Variants in TRIM7 observed in about 807,000 individuals in gnomAD.
TRIM7 encodes tripartite motif containing 7.
A neutral mutation model predicts 37.9 loss-of-function variants in TRIM7; 32 were observed. The observed-to-expected ratio is 0.84, with a 90% CI of 0.64 to 1.13. The LOEUF (loss-of-function observed/expected upper bound fraction) is 1.13. Among genes scored for constraint, TRIM7 ranks in the 50% most tolerant of loss-of-function variants. TRIM7 has a pLI of 0.00. For missense variants in TRIM7, 732 were observed against 714.0 expected (o/e 1.03, Z -0.29); for synonymous variants, 351 against 321.3 (o/e 1.09, Z -0.99).
Position 181,205,178 on chromosome 5 carries a change from T to C in TRIM7, c.-68A>G. ...CACTGGACCTCACAGGACGCGGAGC[T>C]GGGCGCCGAGGGCCCACTGGGAGAG... On this transcript the variant is annotated 5_prime_UTR_variant, in exon 1 of 7. Coordinates refer to ENST00000274773, the MANE Select transcript of TRIM7 (RefSeq NM_203293.3). The C allele has an allele frequency of 7.9e-7, 1 of 1,264,910 alleles. No homozygotes were observed. The highest frequency in any genetic ancestry group is 1.0e-6 in the Non-Finnish European group (1 of 1,003,564). The allele number at this position is 1,264,910 out of a possible 1,614,324, so 78.4% of individuals were successfully genotyped here.
At chr5:181,200,473 C>CATTT (rs1757414926) in intron 2 of TRIM7, 1 of 1,140,640 alleles carries the variant, frequency 8.8e-7, no homozygotes, top group Non-Finnish European at 1.1e-6. Context: ...TCCTCAAGCA[C>CATTT]ATTTATTTCA....
rs780565575 is a variant in TRIM7, at chr5:181,203,525, C to T, written c.618+20G>A. 1 of 1,613,768 alleles carries T rather than the reference C, an allele frequency of 6.2e-7. No homozygotes were observed. The highest frequency in any genetic ancestry group is 8.5e-7 in the Non-Finnish European group (1 of 1,179,796). On this transcript the variant is annotated intron_variant, in intron 2 of 6. Coordinates refer to ENST00000274773, the MANE Select transcript of TRIM7 (RefSeq NM_203293.3). ...GGCCTCTGTAATGTCCCACGGGGGGCCTGCGGGTGCCTGGCTCACCAGCAG... is the reference window on the plus strand; with the variant it reads ...GGCCTCTGTAATGTCCCACGGGGGGTCTGCGGGTGCCTGGCTCACCAGCAG...
intron 5 of TRIM7, 42 bp from the exon 6 acceptor site, chr5:181,198,260 G>A: frequency 6.2e-7 from 1 of 1,607,882 alleles, no homozygotes; most frequent in East Asian, 2.2e-5. Context: ...GAGCGACACG[G>A]GAGATTATAT....
intron 1 of TRIM7, 111 bp downstream of exon 1, chr5:181,204,478 C>T (rs1001123089): frequency 2.5e-6 from 3 of 1,204,124 alleles, no homozygotes; most frequent in Non-Finnish European, 3.2e-6. Context: ...AAGGGAGGGG[C>T]TCACCCGGGC....
intron 2 of TRIM7, 87 bp downstream of exon 2, chr5:181,203,458 A>G: frequency 6.4e-7 from 1 of 1,571,990 alleles, no homozygotes; most frequent in African/African-American, 1.4e-5. Context: ...CATAGCACAC[A>G]CTCCAACACC....
chr5:181,198,776 G>A lies in TRIM7; in HGVS notation c.902C>T (p.Thr301Ile), dbSNP rs1240009075. The change falls in exon 5 of 7, where the codon ACC becomes ATC. Residue 301 changes from threonine to isoleucine, a missense_variant. Transcript: ENST00000274773. ...ATTCTTCATCTCAGAAGAGACTGTG[G>A]TTGGCTTGGGGCCAGGCACATTGCT... Reference protein sequence around the residue: ...RCSNVPGPKPTTVSSEMKNKV... With the variant: ...RCSNVPGPKPITVSSEMKNKV... 15 of 1,613,946 alleles carry A rather than the reference G, an allele frequency of 9.3e-6. No homozygotes were observed. The African/African-American group carries it at 1.7e-4, about 19-fold the overall frequency.
intron 1 of TRIM7, chr5:181,204,006 T>G: frequency 4.1e-5 from 33 of 803,772 alleles, no homozygotes; most frequent in South Asian, 8.4e-5. Flanking sequence ...CGCCCCGCCC[T>G]CACCCCTGCA....
rs768191915 is a variant in TRIM7 at position 181,195,596 on chromosome 5, C to A, written c.1106G>T (p.Arg369Leu). The A allele has an allele frequency of 1.1e-5, 18 of 1,592,332 alleles. No individual in the cohort carries two copies. The highest frequency in any genetic ancestry group is 1.5e-5 in the Non-Finnish European group (17 of 1,166,608). Residue 369 changes from arginine (R) to leucine (L), a missense_variant, in exon 7 of 7, where the codon CGG (arginine) becomes CTG (leucine). Physicochemically the swap from Arg to Leu is moderately radical, Grantham distance 102. Transcript: ENST00000274773. ...GGGGTGGTTGGGCAGGTCCTGGGCC[C>A]GCTCGCCGAGGCGCACGCCCTTAAG... ...LDLKGVRLGERAQDLPNHPCR... is the reference protein window; with the variant it reads ...LDLKGVRLGELAQDLPNHPCR...
chr5:181,203,480 G>A, intron 2 of TRIM7, 65 bp downstream of exon 2: 4 of 1,604,474 alleles, frequency 2.5e-6, no homozygotes, highest in Non-Finnish European at 3.4e-6. Flanking sequence ...CACACACCGA[G>A]CCCTGGTGCT....
chr5:181,201,012 T>TA (rs1757452783), intron 2 of TRIM7: 2 of 717,504 alleles, frequency 2.8e-6, no homozygotes, highest in Admixed American at 1.3e-4. Context: ...CTTCAAGTCT[T>TA]ACAGGTGAGG....
At chr5:181,204,555 G>A (rs1274623706) in intron 1 of TRIM7, 34 bp downstream of exon 1, 2 of 1,340,998 alleles carry the variant, frequency 1.5e-6, no homozygotes, top group African/African-American at 1.5e-5. Flanking sequence ...AGGGGGTCCC[G>A]GGGACCCACG....
rs1202583622 is a variant in TRIM7, at chr5:181,204,589, C to G, written c.522G>C (p.Lys174Asn). The G allele has an allele frequency of 7.1e-7, 1 of 1,414,442 alleles. No individual in the cohort carries two copies. The highest frequency in any genetic ancestry group is 2.9e-5 in the East Asian group (1 of 34,716). The allele number at this position is 1,414,442 out of a possible 1,614,324, so 87.6% of individuals were successfully genotyped here. The part of the protein sequence containing the change: ...LPLDEAVQEA[K>N]ELLESRLRVL... ...CGGGGTGGGTGGGGGCTGCGCTCACCTTGGCCTCCTGCACCGCCTCGTCCA... is the reference window on the plus strand; with the variant it reads ...CGGGGTGGGTGGGGGCTGCGCTCACGTTGGCCTCCTGCACCGCCTCGTCCA... Residue 174 changes from lysine to asparagine, a missense_variant and splice_region_variant, in exon 1 of 7, where the codon AAG becomes AAC. Transcript: ENST00000274773.
At chr5:181,196,968 G>A (rs1757162298) in intron 6 of TRIM7, 1 of 152,130 alleles carries the variant, frequency 6.6e-6, no homozygotes, top group Non-Finnish European at 1.5e-5. Context: ...AGACCAGCCT[G>A]GGCAATATAG....
chr5:181,204,725 C>A lies in TRIM7; in HGVS notation c.386G>T (p.Arg129Leu), dbSNP rs1201371353. The change falls in exon 1 of 7, where the codon CGC (arginine) becomes CTC (leucine). Residue 129 changes from arginine (R) to leucine (L), a missense_variant. Arg to Leu is a moderately radical substitution (Grantham distance 102). Coordinates refer to ENST00000274773, the MANE Select transcript of TRIM7 (RefSeq NM_203293.3). ...GAAGGGTTCGCCATGCTGCCCGCAG[C>A]GGGCAGCCGCTGCCCGGGCCGCGGC... ...QAAAARAAAA[R>L]CGQHGEPFKL... The A allele has an allele frequency of 1.9e-5, 28 of 1,474,374 alleles. No individual in the cohort carries two copies. Among genetic ancestry groups the A allele is most frequent in the Non-Finnish European group, 2.4e-5 (27 of 1,122,372 alleles). The allele number at this position is 1,474,374 out of a possible 1,614,324, so 91.3% of individuals were successfully genotyped here.
Position 181,200,321 on chromosome 5 carries a change from C to G in TRIM7, c.619-240G>C, listed in dbSNP as rs1582232264. ...GATGCACCCACACATGTCTGTGGACCTGTGCTCCATCACCTAAACCAAGGC... is the reference window on the plus strand; with the variant it reads ...GATGCACCCACACATGTCTGTGGACGTGTGCTCCATCACCTAAACCAAGGC... On this transcript the variant is annotated intron_variant, in intron 2 of 6. Transcript: ENST00000274773. The G allele has an allele frequency of 2.8e-6, 4 of 1,431,366 alleles. No homozygotes were observed. In the African/African-American group the frequency reaches 5.7e-5, roughly 21 times the overall value. 88.7% of individuals were successfully genotyped at this position (1,431,366 alleles called of 1,614,324 possible).
At chr5:181,203,132 G>T in intron 2 of TRIM7, 1 of 446,794 alleles carries the variant, frequency 2.2e-6, no homozygotes, top group Non-Finnish European at 3.0e-6. Flanking sequence ...TTTCACTACT[G>T]TTTTGTTGAC....
At chr5:181,201,912 T>C (rs944118889) in intron 2 of TRIM7, among the ~76,000 whole-genome samples, 2 of 152,144 alleles carry the variant, frequency 1.3e-5, no homozygotes, top group East Asian at 1.9e-4. Flanking sequence ...AAGAGCTGCA[T>C]TGGGAGTCAT....
At chr5:181,198,307 A>C in intron 5 of TRIM7, 89 bp from the exon 6 acceptor site, 1 of 1,365,266 alleles carries the variant, frequency 7.3e-7, no homozygotes, top group East Asian at 2.3e-5. Context: ...CAACTGACTC[A>C]TTCATTCCCC....
At position 181,194,899 on chromosome 5, in the gene TRIM7, C is replaced by T. The variant is rs1327189163; in HGVS notation, c.*267G>A. ...GCCCCCTGGAGAGCTGGGCTCCTGA[C>T]CTCACCGGCCTCCACCTCCTGAAGG... On this transcript the variant is annotated 3_prime_UTR_variant, in exon 7 of 7. Coordinates refer to ENST00000274773, the MANE Select transcript of TRIM7 (RefSeq NM_203293.3). 4.7e-6 allele frequency: 2 copies of T among 422,890 alleles called. No homozygotes were observed. Among genetic ancestry groups the T allele is most frequent in the African/African-American group, 2.1e-5 (1 of 48,634 alleles). The allele number at this position is 422,890 out of a possible 1,614,324, so 26.2% of individuals were successfully genotyped here. A position where few individuals can be genotyped will look rare whatever the true frequency, so the allele number is the denominator to read the frequency against.
Sources: allele counts gnomAD v4.1 joint callset (sites outside exome capture counted in the v4.1 genomes callset), GRCh38; gene constraint gnomAD v4.1.1; transcripts MANE v1.5; gene names NCBI Gene and HGNC (gene_info 2026-07-23, HGNC 2026-07-21).